Variants in C19orf47 observed in about 807,000 individuals in gnomAD.
The protein encoded by C19orf47 is uncharacterized protein C19orf47.
A neutral mutation model predicts 32.3 loss-of-function variants in C19orf47; 18 were observed. The observed-to-expected ratio is 0.56, with a 90% CI of 0.39 to 0.83. The LOEUF is 0.83. C19orf47 is among the 40% of genes least tolerant of loss of function. The pLI is 0.00. For synonymous variants in C19orf47, 202 were observed against 211.1 expected (o/e 0.96, Z 0.37); for missense variants, 484 against 531.6 (o/e 0.91, Z 0.88).
chr19:40,302,333 C>T, the C19orf47 span, among the ~76,000 whole-genome samples: 5 of 152,104 alleles, frequency 3.3e-5, no homozygotes, highest in African/African-American at 4.8e-5. Flanking sequence ...GGTAGGATCA[C>T]GGCTCACTGC....
Position 40,330,295 on chromosome 19 carries a change from C to T in C19orf47, c.302-1745G>A, listed in dbSNP as rs193199743. 5.5e-3 allele frequency among the ~76,000 whole-genome samples: 827 copies of T among 151,484 alleles called. 10 individuals carry two copies. Among genetic ancestry groups the T allele is most frequent in the African/African-American group, 0.019 (795 of 41,290 alleles). ...CCAGGCTGGAGTGCAGTGGCGCGATCTTGACTCACTGCAAGCTCTGCCTCC... is the reference window on the plus strand; with the variant it reads ...CCAGGCTGGAGTGCAGTGGCGCGATTTTGACTCACTGCAAGCTCTGCCTCC... On this transcript the variant is annotated intron_variant, in intron 5 of 8. Coordinates refer to ENST00000683109, the MANE Select transcript of C19orf47 (RefSeq NM_001256441.2).
rs1009653729 is a variant in C19orf47 at position 40,335,761 on chromosome 19, C to T, written c.222+349G>A. 2.6e-5 allele frequency among the ~76,000 whole-genome samples: 4 copies of T among 152,156 alleles called. No homozygotes were observed. The South Asian group carries it at 8.3e-4, about 32-fold the overall frequency. On this transcript the variant is annotated intron_variant, in intron 4 of 8. Coordinates refer to ENST00000683109, the MANE Select transcript of C19orf47 (RefSeq NM_001256441.2). ...AGTAGCTGGGACTACAGGTGCCCGC[C>T]ACCACGCTCGGCTAATTTTTTGTAT...
the C19orf47 span, among the ~76,000 whole-genome samples, chr19:40,301,861 A>T: frequency 6.8e-6 from 1 of 146,806 alleles, no homozygotes; most frequent in South Asian, 2.2e-4. Flanking sequence ...AAATCTTAAA[A>T]AAAAAGGTCC....
intron 2 of C19orf47, among the ~76,000 whole-genome samples, chr19:40,337,320 T>TTATTATTATTATTAC (rs1316591626): frequency 2.0e-5 from 3 of 149,324 alleles, no homozygotes; most frequent in East Asian, 3.9e-4. Flanking sequence ...ATTATTATTA[T>TTATTATTATTATTAC]TACTATTACT....
chr19:40,326,609 C>T (rs954254414), intron 6 of C19orf47, 123 bp from the exon 7 acceptor site: 4 of 1,204,938 alleles, frequency 3.3e-6, no homozygotes, highest in East Asian at 2.6e-5. Context: ...ACCTTCCCAA[C>T]CACCCACATC....
At chr19:40,293,925 G>A in the C19orf47 span, among the ~76,000 whole-genome samples, 2 of 151,962 alleles carry the variant, frequency 1.3e-5, no homozygotes, top group African/African-American at 2.4e-5. Context: ...TAGTAGACCA[G>A]CCTGATTAAC....
Position 40,321,300 on chromosome 19 carries a change from G to A in C19orf47, c.*582C>T. 2 of 986,488 alleles carry A rather than the reference G, an allele frequency of 2.0e-6. No individual in the cohort carries two copies. Among genetic ancestry groups the A allele is most frequent in the Non-Finnish European group, 2.4e-6 (2 of 830,166 alleles). 61.1% of individuals were successfully genotyped at this position (986,488 alleles called of 1,614,324 possible). A position where few individuals can be genotyped will look rare whatever the true frequency, so the allele number is the denominator to read the frequency against. ...CGCCACCGCCGACGAGGGGGCCGCT[G>A]GGAGGCCGGAGGTACAGGAGGGTCG... On this transcript the variant is annotated 3_prime_UTR_variant, in exon 9 of 9. Transcript: ENST00000683109.
In C19orf47 at chr19:40,320,891, A is replaced by G; in HGVS notation, c.*991T>C. 6.5e-6 allele frequency: 1 copy of G among 153,010 alleles called. No individual in the cohort carries two copies. The allele number at this position is 153,010 out of a possible 1,614,324, so 9.5% of individuals were successfully genotyped here. A position where few individuals can be genotyped will look rare whatever the true frequency, so the allele number is the denominator to read the frequency against. ...CAGGGGGCGGCCTAACTGAATGGTGACTGTGGCCATTACTCCCCCTGACTC... is the reference window on the plus strand; with the variant it reads ...CAGGGGGCGGCCTAACTGAATGGTGGCTGTGGCCATTACTCCCCCTGACTC... On this transcript the variant is annotated 3_prime_UTR_variant, in exon 9 of 9. Coordinates refer to ENST00000683109, the MANE Select transcript of C19orf47 (RefSeq NM_001256441.2).
Position 40,319,817 on chromosome 19 carries a change from T to C in C19orf47, c.*2065A>G, listed in dbSNP as rs1001484083. Reference sequence around the variant, plus strand: ...TCCCAAACTGCTGGGATTACAAGCGTAAGCCACCACGCCCAGCCAAGGCCC... The same window carrying C: ...TCCCAAACTGCTGGGATTACAAGCGCAAGCCACCACGCCCAGCCAAGGCCC... On this transcript the variant is annotated 3_prime_UTR_variant, in exon 9 of 9. Coordinates refer to ENST00000683109, the MANE Select transcript of C19orf47 (RefSeq NM_001256441.2). 1.3e-5 allele frequency: 2 copies of C among 153,682 alleles called. No individual in the cohort carries two copies. Among genetic ancestry groups the C allele is most frequent in the African/African-American group, 4.8e-5 (2 of 41,362 alleles). The allele number at this position is 153,682 out of a possible 1,614,324, so 9.5% of individuals were successfully genotyped here. A position where few individuals can be genotyped will look rare whatever the true frequency, so the allele number is the denominator to read the frequency against.
chr19:40,345,536 T>TAAAA (rs55954294), intron 1 of C19orf47, among the ~76,000 whole-genome samples: 1 of 110,846 alleles, frequency 9.0e-6, no homozygotes, highest in Non-Finnish European at 1.8e-5. Flanking sequence ...CTGTCACTGT[T>TAAAA]AAAAAAAAAA....
intron 1 of C19orf47, chr19:40,343,398 T>A (rs2078214917): frequency 6.6e-6 from 1 of 151,674 alleles, no homozygotes; most frequent in Non-Finnish European, 1.5e-5. Flanking sequence ...ATTAGCTGTG[T>A]GATCTCGGCA....
rs940215817 is a variant in C19orf47, at chr19:40,321,215, G to A, written c.*667C>T. Reference sequence around the variant, plus strand: ...GGATGCGCCTCAGCCGCAGCCCAGGGTCTGGAGAGGTCCCTCCAGCCTGGG... The same window carrying A: ...GGATGCGCCTCAGCCGCAGCCCAGGATCTGGAGAGGTCCCTCCAGCCTGGG... On this transcript the variant is annotated 3_prime_UTR_variant, in exon 9 of 9. Transcript: ENST00000683109. 4 of 985,026 alleles carry A rather than the reference G, an allele frequency of 4.1e-6. No individual in the cohort carries two copies. The African/African-American group carries it at 5.2e-5, about 13-fold the overall frequency. The allele number at this position is 985,026 out of a possible 1,614,324, so 61.0% of individuals were successfully genotyped here. A position where few individuals can be genotyped will look rare whatever the true frequency, so the allele number is the denominator to read the frequency against.
chr19:40,303,516 T>C, the C19orf47 span, among the ~76,000 whole-genome samples: 47 of 113,654 alleles, frequency 4.1e-4, no homozygotes, highest in Admixed American at 2.9e-3. Context: ...AGCGAGACTC[T>C]CAAAAAAAAA....
the C19orf47 span, among the ~76,000 whole-genome samples, chr19:40,311,849 G>A: frequency 3.3e-5 from 5 of 152,064 alleles, no homozygotes; most frequent in African/African-American, 1.2e-4. Flanking sequence ...TAGAGACAGG[G>A]TTTCACCATG....
At chr19:40,302,273 T>G in the C19orf47 span, among the ~76,000 whole-genome samples, 1 of 152,104 alleles carries the variant, frequency 6.6e-6, no homozygotes, top group Non-Finnish European at 1.5e-5. Context: ...AAATTGATAT[T>G]TTTTTCCTTG....
intron 2 of C19orf47, 54 bp downstream of exon 2, chr19:40,341,785 C>T (rs1372788156): frequency 5.2e-6 from 8 of 1,535,216 alleles, no homozygotes; most frequent in Admixed American, 2.0e-5. Flanking sequence ...CAAGGCCATA[C>T]CTCAAAAAGG....
In C19orf47 at chr19:40,322,222, G is replaced by T; in HGVS notation, c.818C>A (p.Ala273Glu). ...TGTGGCCTTGGCTTTGACAGTCAGTGCTGGCTGGGGACTGGCCTTGGCTGG... is the reference window on the plus strand; with the variant it reads ...TGTGGCCTTGGCTTTGACAGTCAGTTCTGGCTGGGGACTGGCCTTGGCTGG... The part of the protein sequence containing the change: ...RGPAKASPQP[A>E]LTVKAKATSS... The change falls in exon 9 of 9, where the codon GCA becomes GAA. Residue 273 changes from alanine to glutamate, a missense_variant. Coordinates refer to ENST00000683109, the MANE Select transcript of C19orf47 (RefSeq NM_001256441.2). 6.2e-6 allele frequency: 10 copies of T among 1,609,884 alleles called. No homozygotes were observed. The highest frequency in any genetic ancestry group is 7.6e-6 in the Non-Finnish European group (9 of 1,179,988).
At chr19:40,322,539 G>A (rs2077743020) in intron 8 of C19orf47, among the ~76,000 whole-genome samples, 163 bp from the exon 9 acceptor site, 1 of 152,256 alleles carries the variant, frequency 6.6e-6, no homozygotes, top group African/African-American at 2.4e-5. Context: ...GGAGTCCAGG[G>A]GACTGGAGGA....
intron 2 of C19orf47, 177 bp downstream of exon 2, chr19:40,341,662 T>C: frequency 1.2e-6 from 1 of 827,960 alleles, no homozygotes; most frequent in Non-Finnish European, 1.8e-6. Flanking sequence ...AGAGATCCAG[T>C]GATGAGGCGG....
Sources: gnomAD v4.1 joint callset for allele counts (sites outside exome capture counted in the v4.1 genomes callset) on GRCh38, gnomAD v4.1.1 for gene constraint, MANE v1.5 for transcripts, NCBI Gene and HGNC (gene_info 2026-07-23, HGNC 2026-07-21) for gene names.